Variants in RGS6 observed in about 807,000 individuals in gnomAD.
The protein encoded by RGS6 is regulator of G protein signaling 6, also known as regulator of G-protein signaling 6.
In RGS6, 30 loss-of-function variants were observed where a neutral mutation model predicts 78.5. The observed-to-expected ratio is 0.38, with a 90% CI of 0.29 to 0.52. The LOEUF (loss-of-function observed/expected upper bound fraction) is 0.52, where lower values mean the gene tolerates loss of function less well. Ranked by LOEUF, RGS6 falls within the 20% of genes least tolerant of loss-of-function variation. The pLI is 0.85. For synonymous variants in RGS6, 206 were observed against 206.0 expected (o/e 1.00, Z 0.00); for missense variants, 495 against 609.7 (o/e 0.81, Z 1.98).
chr14:72,449,048 C>T (rs1199920135), intron 3 of RGS6, among the ~76,000 whole-genome samples: 1 of 152,154 alleles, frequency 6.6e-6, no homozygotes, highest in Non-Finnish European at 1.5e-5. Flanking sequence ...CTGTGCATGA[C>T]ATCTATGTGA....
intron 2 of RGS6, among the ~76,000 whole-genome samples, chr14:72,125,000 C>A (rs67722975): frequency 0.52 from 79,236 of 152,028 alleles, 20,965 homozygotes; most frequent in Admixed American, 0.59. Flanking sequence ...AAAGATTTTC[C>A]ATTATAATCT....
chr14:72,535,629 A>C (rs756421534), intron 15 of RGS6, among the ~76,000 whole-genome samples: 1 of 152,158 alleles, frequency 6.6e-6, no homozygotes, highest in Non-Finnish European at 1.5e-5. Context: ...AAGATGTGTC[A>C]AAATACAGAA....
intron 2 of RGS6, among the ~76,000 whole-genome samples, chr14:72,224,630 C>T (rs529164397): frequency 7.2e-5 from 11 of 152,164 alleles, no homozygotes; most frequent in Admixed American, 4.6e-4. Flanking sequence ...AAAAGTTGTG[C>T]ACCAATAACT....
At chr14:72,255,575 T>C (rs1318857654) in intron 2 of RGS6, among the ~76,000 whole-genome samples, 1 of 152,184 alleles carries the variant, frequency 6.6e-6, no homozygotes, top group Non-Finnish European at 1.5e-5. Flanking sequence ...TTCCCAGAGA[T>C]GGACTGAGAT....
the RGS6 span, chr14:72,612,331 C>T: frequency 2.3e-6 from 1 of 435,460 alleles, no homozygotes; most frequent in South Asian, 1.8e-5. Flanking sequence ...GCCTACCTAC[C>T]CCGCCTCTCT....
chr14:72,011,314 A>G (rs962948604), intron 2 of RGS6, among the ~76,000 whole-genome samples: 1 of 152,268 alleles, frequency 6.6e-6, no homozygotes, highest in South Asian at 2.1e-4. Flanking sequence ...TTTCAATCCC[A>G]TATACTTGGG....
intron 13 of RGS6, among the ~76,000 whole-genome samples, chr14:72,500,014 G>A (rs974890820): frequency 1.3e-5 from 2 of 152,256 alleles, no homozygotes; most frequent in Admixed American, 1.3e-4. Flanking sequence ...ATTTGGGAAA[G>A]GAGGAGAGGC....
At chr14:72,304,912 C>T (rs2066899805) in intron 2 of RGS6, among the ~76,000 whole-genome samples, 1 of 152,020 alleles carries the variant, frequency 6.6e-6, no homozygotes, top group African/African-American at 2.4e-5. Flanking sequence ...ATAAACATTG[C>T]CAATTGCTTT....
chr14:72,139,595 G>A (rs537022862), intron 2 of RGS6, among the ~76,000 whole-genome samples: 58 of 152,330 alleles, frequency 3.8e-4, no homozygotes, highest in African/African-American at 1.2e-3. Context: ...TTTGCACTGA[G>A]CATTAAAATA....
intron 2 of RGS6, among the ~76,000 whole-genome samples, chr14:72,004,792 C>T (rs1459802095): frequency 6.6e-6 from 1 of 152,100 alleles, no homozygotes; most frequent in Admixed American, 6.6e-5. Context: ...TGCCACTGCA[C>T]TCCAGCCTGG....
the RGS6 span, among the ~76,000 whole-genome samples, chr14:71,911,192 G>A: frequency 1.3e-5 from 2 of 152,112 alleles, no homozygotes; most frequent in African/African-American, 4.8e-5. Context: ...TGGAGATCTC[G>A]CTGCAAAATG....
the RGS6 span, among the ~76,000 whole-genome samples, chr14:72,582,687 C>T: frequency 3.3e-5 from 5 of 152,180 alleles, no homozygotes; most frequent in East Asian, 1.9e-4. Context: ...GTCTTATCAC[C>T]GACCCAAAGG....
downstream of RGS6, among the ~76,000 whole-genome samples, chr14:72,568,950 G>A (rs1047786884): frequency 6.6e-6 from 1 of 152,192 alleles, no homozygotes; most frequent in Admixed American, 6.5e-5. Context: ...TACATCACAG[G>A]ATGGCTCTGG....
At chr14:72,510,377 G>A (rs2096863893) in intron 14 of RGS6, 98 bp downstream of exon 14, 3 of 1,482,588 alleles carry the variant, frequency 2.0e-6, no homozygotes, top group Non-Finnish European at 1.9e-6. Context: ...AACGTTATCA[G>A]GGTTCAAATT....
the RGS6 span, among the ~76,000 whole-genome samples, chr14:72,626,890 T>C: frequency 6.6e-6 from 1 of 152,052 alleles, no homozygotes; most frequent in African/African-American, 2.4e-5. Flanking sequence ...AGAAATGATA[T>C]CTCAGCTTTG....
intron 2 of RGS6, among the ~76,000 whole-genome samples, chr14:72,075,657 T>C (rs1016799981): frequency 6.6e-6 from 1 of 152,154 alleles, no homozygotes; most frequent in Non-Finnish European, 1.5e-5. Context: ...TATTTACTTG[T>C]ACAGTTTTTT....
At chr14:72,349,135 C>T (rs2078637467) in intron 2 of RGS6, among the ~76,000 whole-genome samples, 1 of 152,098 alleles carries the variant, frequency 6.6e-6, no homozygotes, top group Admixed American at 6.5e-5. Context: ...CCACTGCACT[C>T]CAGCCTGGGT....
At chr14:72,394,610 C>T (rs557795974) in intron 3 of RGS6, among the ~76,000 whole-genome samples, 8 of 152,160 alleles carry the variant, frequency 5.3e-5, no homozygotes, top group South Asian at 2.1e-4. Context: ...GGCTCTGTTC[C>T]GCCTGGCTCT....
the RGS6 span, among the ~76,000 whole-genome samples, chr14:72,590,865 C>T: frequency 1.3e-5 from 2 of 152,226 alleles, no homozygotes; most frequent in Admixed American, 6.5e-5. Context: ...AAGCCGCTGT[C>T]TCTGAGGATC....
Sources: gnomAD v4.1 joint callset for allele counts (sites outside exome capture counted in the v4.1 genomes callset) on GRCh38, gnomAD v4.1.1 for gene constraint, MANE v1.5 for transcripts, NCBI Gene and HGNC (gene_info 2026-07-23, HGNC 2026-07-21) for gene names.